Variants in CDH10 observed in about 807,000 individuals in gnomAD.
The protein encoded by CDH10 is cadherin-10.
A neutral mutation model predicts 73.1 loss-of-function variants in CDH10; 30 were observed. The ratio of observed to expected loss-of-function variants is 0.41; its 90% CI spans 0.31 to 0.56. CDH10 has a LOEUF of 0.56. Among genes scored for constraint, CDH10 ranks in the 20% least tolerant of loss-of-function variants. The probability of loss-of-function intolerance (pLI) is 0.27; values close to 1 mark genes in which losing one functional copy is unlikely to be tolerated. For synonymous variants in CDH10, 345 were observed against 348.2 expected (o/e 0.99, Z 0.10); for missense variants, 815 against 973.7 (o/e 0.84, Z 2.17).
intron 5 of CDH10, among the ~76,000 whole-genome samples, chr5:24,519,822 G>A (rs1305774976): frequency 2.0e-5 from 3 of 152,158 alleles, no homozygotes; most frequent in Non-Finnish European, 4.4e-5. Flanking sequence ...CAAAAACTAG[G>A]TGGCCAATAA....
chr5:24,587,934 C>T (rs1182526745), intron 2 of CDH10, among the ~76,000 whole-genome samples: 1 of 152,092 alleles, frequency 6.6e-6, no homozygotes, highest in Non-Finnish European at 1.5e-5. Flanking sequence ...ACATTGTATG[C>T]GTTTTGAGAA....
intron 9 of CDH10, among the ~76,000 whole-genome samples, chr5:24,497,268 C>T (rs139991982): frequency 9.2e-5 from 14 of 151,734 alleles, no homozygotes; most frequent in African/African-American, 2.7e-4. Flanking sequence ...ATAGAGGGAG[C>T]GATGTATGCA....
At chr5:24,588,867 C>T (rs962938885) in intron 2 of CDH10, among the ~76,000 whole-genome samples, 24 of 152,268 alleles carry the variant, frequency 1.6e-4, no homozygotes, top group African/African-American at 4.6e-4. Context: ...TAAAAACATG[C>T]TTTTTGAGTC....
At chr5:24,575,352 CAACAAAA>C (rs1340256074) in intron 2 of CDH10, among the ~76,000 whole-genome samples, 11 of 47,178 alleles carry the variant, frequency 2.3e-4, no homozygotes, top group South Asian at 1.4e-3. Context: ...ACAACAAAAA[CAACAAAA>C]AAAAAAAAAA....
rs1375868396 is a variant in CDH10, at chr5:24,511,388, G to C, written c.941C>G (p.Thr314Ser). The change falls in exon 6 of 12, where the codon ACT becomes AGT. Residue 314 changes from threonine (T) to serine (S), a missense_variant. Thr to Ser is a moderately conservative substitution (Grantham distance 58). Coordinates refer to ENST00000264463, the MANE Select transcript of CDH10 (RefSeq NM_006727.5). The part of the protein sequence containing the change: ...VEYRIIDGDG[T>S]DMFDIVTEKD... ...CTCAGTCACGATGTCAAACATATCA[G>C]TACCGTCACCATCAATAATTCGGTA... 6.2e-7 allele frequency: 1 copy of C among 1,612,306 alleles called. No individual in the cohort carries two copies. The highest frequency in any genetic ancestry group is 1.7e-5 in the Admixed American group (1 of 60,002).
intron 5 of CDH10, among the ~76,000 whole-genome samples, chr5:24,527,314 TAC>T (rs1295904609): frequency 7.5e-5 from 11 of 147,324 alleles, no homozygotes; most frequent in East Asian, 2.0e-4. Flanking sequence ...TAATTAAATA[TAC>T]AGTCTTATAT....
At chr5:24,630,060 T>C (rs1161154656) in intron 1 of CDH10, among the ~76,000 whole-genome samples, 3 of 152,120 alleles carry the variant, frequency 2.0e-5, no homozygotes, top group African/African-American at 4.8e-5. Context: ...ATGTGGGAGA[T>C]ACTAGGCTGT....
intron 6 of CDH10, among the ~76,000 whole-genome samples, chr5:24,511,008 A>AACTAC (rs1452070808): frequency 6.6e-6 from 1 of 152,218 alleles, no homozygotes; most frequent in Non-Finnish European, 1.5e-5. Context: ...ATTAGGTATT[A>AACTAC]ACTACACAAT....
intron 2 of CDH10, among the ~76,000 whole-genome samples, chr5:24,579,497 T>C (rs1745716875): frequency 6.6e-6 from 1 of 152,106 alleles, no homozygotes; most frequent in African/African-American, 2.4e-5. Flanking sequence ...CTTTCTCCAC[T>C]TTTTCTCCCT....
chr5:24,594,479 T>C (rs1390207717), intron 1 of CDH10, among the ~76,000 whole-genome samples: 2 of 151,936 alleles, frequency 1.3e-5, no homozygotes, highest in African/African-American at 4.8e-5. Flanking sequence ...CCCACTGTGA[T>C]GGAAACCAAA....
chr5:24,540,599 T>C (rs1234086167), intron 2 of CDH10, among the ~76,000 whole-genome samples: 1 of 151,898 alleles, frequency 6.6e-6, no homozygotes, highest in Non-Finnish European at 1.5e-5. Flanking sequence ...AATCAGAAAA[T>C]GAAAGGATTT....
At chr5:24,515,453 G>A (rs2111786975) in intron 5 of CDH10, among the ~76,000 whole-genome samples, 1 of 152,262 alleles carries the variant, frequency 6.6e-6, no homozygotes, top group East Asian at 1.9e-4. Flanking sequence ...GACGTATAGT[G>A]TGGTCAAAAT....
chr5:24,615,232 G>A (rs1747090620), intron 1 of CDH10, among the ~76,000 whole-genome samples: 2 of 152,098 alleles, frequency 1.3e-5, no homozygotes. Context: ...TGCACTTGCT[G>A]TTCCTTTTGC....
chr5:24,572,641 A>G (rs998413455), intron 2 of CDH10, among the ~76,000 whole-genome samples: 13 of 152,164 alleles, frequency 8.5e-5, no homozygotes, highest in African/African-American at 1.2e-4. Flanking sequence ...ATAGCAAGGT[A>G]AAATGAATCA....
chr5:24,514,863 G>A (rs1379709133), intron 5 of CDH10, among the ~76,000 whole-genome samples: 7 of 132,212 alleles, frequency 5.3e-5, no homozygotes, highest in African/African-American at 1.9e-4. Flanking sequence ...ACAAATATAT[G>A]GATGGTTAGA....
At chr5:24,636,824 G>C (rs551978641) in intron 1 of CDH10, among the ~76,000 whole-genome samples, 1 of 151,960 alleles carries the variant, frequency 6.6e-6, no homozygotes, top group South Asian at 2.1e-4. Flanking sequence ...AGTCCCCTGT[G>C]TCTGCAAGAT....
At chr5:24,613,905 T>A (rs1248602021) in intron 1 of CDH10, among the ~76,000 whole-genome samples, 1 of 152,174 alleles carries the variant, frequency 6.6e-6, no homozygotes, top group East Asian at 1.9e-4. Flanking sequence ...AAATGTTGAA[T>A]GAAGCATTCA....
intron 9 of CDH10, 71 bp downstream of exon 9, chr5:24,498,327 A>G: frequency 1.0e-6 from 1 of 989,254 alleles, no homozygotes; most frequent in Non-Finnish European, 1.5e-6. Context: ...CTTTCCTCTC[A>G]GGATTTTGAA....
At chr5:24,619,934 C>T (rs1747254477) in intron 1 of CDH10, among the ~76,000 whole-genome samples, 1 of 152,138 alleles carries the variant, frequency 6.6e-6, no homozygotes, top group African/African-American at 2.4e-5. Flanking sequence ...AAATACATTT[C>T]TAATGTTTAA....
Sources: gnomAD v4.1 joint callset for allele counts (sites outside exome capture counted in the v4.1 genomes callset) on GRCh38, gnomAD v4.1.1 for gene constraint, MANE v1.5 for transcripts, NCBI Gene and HGNC (gene_info 2026-07-23, HGNC 2026-07-21) for gene names.